The following DENND1B variants were observed in gnomAD, a reference collection of about 807,000 sequenced individuals.
The protein encoded by DENND1B is DENN domain containing 1B, also known as DENN domain-containing protein 1B.
DENND1B carries 59 observed loss-of-function variants against 90.1 expected under a neutral mutation model. That is an observed-to-expected ratio of 0.65 (90% CI 0.53 to 0.81). The LOEUF is 0.81. DENND1B is among the 40% of genes least tolerant of loss of function. The pLI, the probability that DENND1B is intolerant of heterozygous loss-of-function variation, is 0.00. For synonymous variants in DENND1B, 337 were observed against 324.6 expected (o/e 1.04, Z -0.41); for missense variants, 862 against 912.6 (o/e 0.94, Z 0.71).
chr1:197,596,448 A>G (rs1675697306), intron 13 of DENND1B, among the ~76,000 whole-genome samples: 1 of 152,018 alleles, frequency 6.6e-6, no homozygotes, highest in Non-Finnish European at 1.5e-5. Flanking sequence ...ATGGAAACAT[A>G]TTAAGTTGTG....
chr1:197,735,045 G>A (rs767249678), intron 2 of DENND1B: 28 of 984,392 alleles, frequency 2.8e-5, no homozygotes, highest in Non-Finnish European at 2.9e-5. Context: ...TAGAAAAAGC[G>A]GACAAAATTT....
chr1:197,556,879 G>A (rs1057001949), intron 15 of DENND1B, among the ~76,000 whole-genome samples: 1 of 151,850 alleles, frequency 6.6e-6, no homozygotes, highest in African/African-American at 2.4e-5. Context: ...GCTTCCCAAG[G>A]GAAGGATCAC....
chr1:197,565,846 T>C (rs2125715778), intron 15 of DENND1B, among the ~76,000 whole-genome samples: 1 of 149,800 alleles, frequency 6.7e-6, no homozygotes, highest in Non-Finnish European at 1.5e-5. Context: ...TGCATAGTAT[T>C]CCATGGTGTA....
intron 3 of DENND1B, 118 bp downstream of exon 3, chr1:197,714,913 G>T: frequency 1.3e-6 from 1 of 758,954 alleles, no homozygotes; most frequent in Non-Finnish European, 2.2e-6. Context: ...TTGATCAAGA[G>T]AAAATAATTT....
In DENND1B at chr1:197,527,264, T is replaced by C. The variant is rs142643228; in HGVS notation, c.1515+12700A>G. 3.0e-3 allele frequency among the ~76,000 whole-genome samples: 455 copies of C among 152,070 alleles called. 2 individuals carry two copies. The highest frequency in any genetic ancestry group is 8.0e-3 in the African/African-American group (332 of 41,522). On this transcript the variant is annotated intron_variant, in intron 20 of 22. Coordinates refer to ENST00000620048, the MANE Select transcript of DENND1B (RefSeq NM_001195215.2). ...ATGGACGTGTGTTAAAAGAAGAACA[T>C]TCACTTAACTTATTTCAAAAGAGTT...
intron 13 of DENND1B, among the ~76,000 whole-genome samples, chr1:197,596,704 T>C (rs568943551): frequency 1.1e-4 from 17 of 151,802 alleles, no homozygotes; most frequent in Non-Finnish European, 2.1e-4. Context: ...CATATATCTA[T>C]GCAAGAAGGG....
intron 13 of DENND1B, 186 bp downstream of exon 13, chr1:197,606,887 C>T: frequency 1.8e-6 from 1 of 544,448 alleles, no homozygotes; most frequent in Non-Finnish European, 3.2e-6. Flanking sequence ...ATATGATGTT[C>T]CATTCAAAAT....
chr1:197,653,236 T>C (rs577526864), intron 6 of DENND1B, among the ~76,000 whole-genome samples: 3 of 152,226 alleles, frequency 2.0e-5, no homozygotes, highest in South Asian at 2.1e-4. Context: ...TTCTTGATCA[T>C]TTAAACAACG....
intron 2 of DENND1B, among the ~76,000 whole-genome samples, chr1:197,765,871 A>T (rs568293362): frequency 1.3e-4 from 20 of 152,364 alleles, no homozygotes; most frequent in Admixed American, 1.2e-3. Context: ...CAACACACCT[A>T]TGAAAGTAAT....
intron 20 of DENND1B, among the ~76,000 whole-genome samples, chr1:197,514,780 G>A (rs1393563153): frequency 6.6e-6 from 1 of 151,282 alleles, no homozygotes; most frequent in Admixed American, 6.6e-5. Context: ...TGATTCCTGT[G>A]TCCTTTGACA....
rs148138465 is a variant in DENND1B, at chr1:197,537,080, A to G, written c.1515+2884T>C. Among the ~76,000 whole-genome samples, 31 of 152,062 alleles carry G rather than the reference A, an allele frequency of 2.0e-4. No homozygotes were observed. In the Middle Eastern group the frequency reaches 0.017, roughly 83 times the overall value. The stretch of plus-strand genomic sequence containing the variant: ...AAAGATACATACAACACACAGATAT[A>G]TTTACCTATTTATATAATGGGACAC... On this transcript the variant is annotated intron_variant, in intron 20 of 22. Transcript: ENST00000620048.
chr1:197,725,611 C>T (rs753942136), intron 2 of DENND1B, among the ~76,000 whole-genome samples: 1 of 151,182 alleles, frequency 6.6e-6, no homozygotes, highest in Non-Finnish European at 1.5e-5. Flanking sequence ...AAACACTATA[C>T]AACTCTGAAA....
At chr1:197,751,663 G>A (rs539226382) in intron 2 of DENND1B, among the ~76,000 whole-genome samples, 1 of 152,182 alleles carries the variant, frequency 6.6e-6, no homozygotes, top group East Asian at 1.9e-4. Context: ...GGTCAACATG[G>A]TGAAATCTTG....
intron 3 of DENND1B, among the ~76,000 whole-genome samples, chr1:197,708,013 T>G (rs2102200378): frequency 6.6e-6 from 1 of 151,414 alleles, no homozygotes; most frequent in Middle Eastern, 3.4e-3. Context: ...TATTGCGCTT[T>G]TCAGACCGGC....
At chr1:197,643,842 ATTTT>A in intron 9 of DENND1B, among the ~76,000 whole-genome samples, 1 of 152,154 alleles carries the variant, frequency 6.6e-6, no homozygotes, top group East Asian at 1.9e-4. Flanking sequence ...CTTATTATTT[ATTTT>A]TAATTTTCTA....
intron 10 of DENND1B, among the ~76,000 whole-genome samples, chr1:197,633,471 AAG>A (rs934787066): frequency 1.3e-5 from 2 of 152,150 alleles, no homozygotes; most frequent in Non-Finnish European, 2.9e-5. Context: ...ACAATGCAAA[AAG>A]AGAGAACTTG....
At position 197,554,832 on chromosome 1, in the gene DENND1B, CAAAAAAAAAA is replaced by C. The variant is rs11440581; in HGVS notation, c.1150-1730_1150-1721del. Among the ~76,000 whole-genome samples, 7 of 69,394 alleles carry C rather than the reference CAAAAAAAAAA, an allele frequency of 1.0e-4. 1 individual carries two copies. In the East Asian group the frequency reaches 2.1e-3, roughly 21 times the overall value. 45.5% of individuals were successfully genotyped at this position (69,394 alleles called of 152,430 possible). A position where few individuals can be genotyped will look rare whatever the true frequency, so the allele number is the denominator to read the frequency against. ...ACTCCAGCCTGGCAAGACTCCATCTCAAAAAAAAAAAAAAAAAAAAAGAGGGGGTGGGGAA... is the reference window on the plus strand; with the variant it reads ...ACTCCAGCCTGGCAAGACTCCATCTCAAAAAAAAAAAGAGGGGGTGGGGAA... On this transcript the variant is annotated intron_variant, in intron 15 of 22. Coordinates refer to ENST00000620048, the MANE Select transcript of DENND1B (RefSeq NM_001195215.2).
At chr1:197,639,816 T>C (rs1315198944) in intron 10 of DENND1B, among the ~76,000 whole-genome samples, 5 of 152,178 alleles carry the variant, frequency 3.3e-5, no homozygotes, top group Admixed American at 3.3e-4. Flanking sequence ...GCATGGAATT[T>C]ATAGCAGATA....
At chr1:197,708,091 G>T (rs1255838050) in intron 3 of DENND1B, among the ~76,000 whole-genome samples, 31 of 132,826 alleles carry the variant, frequency 2.3e-4, no homozygotes, top group East Asian at 1.8e-3. Flanking sequence ...CCACGGAATC[G>T]CGCTGATTGC....
Sources: gnomAD v4.1 joint callset for allele counts (sites outside exome capture counted in the v4.1 genomes callset) on GRCh38, gnomAD v4.1.1 for gene constraint, MANE v1.5 for transcripts, NCBI Gene and HGNC (gene_info 2026-07-23, HGNC 2026-07-21) for gene names.